The following ATP1B4 variants were observed in gnomAD, a reference collection of about 807,000 sequenced individuals.
The protein encoded by ATP1B4 is ATPase Na+/K+ transporting family member beta 4, also known as protein ATP1B4.
In ATP1B4, 32 loss-of-function variants were observed where a neutral mutation model predicts 29.6. The observed-to-expected ratio is 1.08, with a 90% CI of 0.82 to 1.45. The LOEUF is 1.45. Among genes scored for constraint, ATP1B4 ranks in the 40% most tolerant of loss-of-function variants. The pLI is 0.00. For missense variants in ATP1B4, 323 were observed against 276.2 expected, an observed-to-expected ratio of 1.17 and a Z score of -1.20; for synonymous variants, 127 against 102.1, an observed-to-expected ratio of 1.24 and a Z score of -1.47.
At position 120,379,828 on chromosome X, in the gene ATP1B4, T is replaced by A; in HGVS notation, c.*194T>A. ...TGTTCGATTTTTTAAAGGTAGTGTC[T>A]CCTGATGACAAACAGAGTATATTAA... On this transcript the variant is annotated 3_prime_UTR_variant, in exon 8 of 8. Coordinates refer to ENST00000218008, the MANE Select transcript of ATP1B4 (RefSeq NM_001142447.3). The A allele has an allele frequency of 7.9e-6, 3 of 379,191 alleles. No homozygotes were observed. Among genetic ancestry groups the A allele is most frequent in the Non-Finnish European group, 1.3e-5 (3 of 227,375 alleles). The allele number at this position is 379,191 out of a possible 1,213,427, so 31.2% of individuals were successfully genotyped here.
At chrX:120,373,415 C>G (rs899625268) in intron 4 of ATP1B4, among the ~76,000 whole-genome samples, 1 of 112,361 alleles carries the variant, frequency 8.9e-6, no homozygotes, top group Non-Finnish European at 1.9e-5. Flanking sequence ...ACCCAAGTCA[C>G]AACCTGTGGG....
rs773904979 is a variant in ATP1B4, at chrX:120,366,797, C to T, written c.328+8C>T. 2.5e-6 allele frequency: 3 copies of T among 1,200,399 alleles called. No individual in the cohort carries two copies. The highest frequency in any genetic ancestry group is 4.4e-5 in the Admixed American group (2 of 45,714). ...GAACAGGTCAGAGTTGGAGTAAGTCCCAATAGTCCCAATGCCAAAGTCTGG... is the reference window on the plus strand; with the variant it reads ...GAACAGGTCAGAGTTGGAGTAAGTCTCAATAGTCCCAATGCCAAAGTCTGG... On this transcript the variant is annotated splice_region_variant and intron_variant, in intron 2 of 7. Coordinates refer to ENST00000218008, the MANE Select transcript of ATP1B4 (RefSeq NM_001142447.3).
At chrX:120,378,041 C>A (rs1393414968) in intron 6 of ATP1B4, among the ~76,000 whole-genome samples, 1 of 95,117 alleles carries the variant, frequency 1.1e-5, no homozygotes, top group Non-Finnish European at 2.2e-5. Context: ...TTACTTTAAT[C>A]ATTTCCATAC....
chrX:120,371,321 A>G lies in ATP1B4; in HGVS notation c.562+111A>G. 1.2e-5 allele frequency: 7 copies of G among 571,573 alleles called. No homozygotes were observed. The South Asian group carries it at 1.9e-4, about 15-fold the overall frequency. The allele number at this position is 571,573 out of a possible 1,213,427, so 47.1% of individuals were successfully genotyped here. A position where few individuals can be genotyped will look rare whatever the true frequency, so the allele number is the denominator to read the frequency against. On this transcript the variant is annotated intron_variant, in intron 4 of 7. Transcript: ENST00000218008. ...ATCCCAGTCTTACTAACCCCAACTC[A>G]TCATGGTCTGTCCTTACTTTGCATC...
intron 1 of ATP1B4, among the ~76,000 whole-genome samples, chrX:120,363,118 A>C (rs1186801369): frequency 8.9e-6 from 1 of 112,453 alleles, no homozygotes; most frequent in East Asian, 2.8e-4. Context: ...CCCAGAGAGG[A>C]TTGTGATCTC....
At chrX:120,374,588 ATATATACCCTTAT>A (rs2058332591) in intron 4 of ATP1B4, among the ~76,000 whole-genome samples, 1 of 48,491 alleles carries the variant, frequency 2.1e-5, no homozygotes, top group African/African-American at 7.3e-5. Context: ...TATATAATAT[ATATATACCCTTAT>A]ATATAATATA....
chrX:120,375,200 C>T (rs1279121972), intron 4 of ATP1B4, among the ~76,000 whole-genome samples, 172 bp from the exon 5 acceptor site: 3 of 92,493 alleles, frequency 3.2e-5, no homozygotes, highest in South Asian at 5.1e-4. Flanking sequence ...GGGATGGCTG[C>T]CGATGAAGGC....
intron 7 of ATP1B4, 73 bp downstream of exon 7, chrX:120,378,846 TGAGAATTAGG>T: frequency 1.0e-6 from 1 of 962,450 alleles, no homozygotes; most frequent in East Asian, 3.1e-5. Flanking sequence ...CTGGGATCTA[TGAGAATTAGG>T]GAGCAGGAGA....
intron 6 of ATP1B4, among the ~76,000 whole-genome samples, chrX:120,376,969 A>G (rs1381422487): frequency 1.8e-5 from 2 of 112,280 alleles, no homozygotes; most frequent in African/African-American, 6.5e-5. Flanking sequence ...TCGAGGGACC[A>G]TTAACTTCTA....
intron 2 of ATP1B4, among the ~76,000 whole-genome samples, chrX:120,368,623 G>A (rs1029450243): frequency 1.8e-5 from 2 of 111,928 alleles, no homozygotes; most frequent in Non-Finnish European, 3.8e-5. Context: ...GCAGTGCTGG[G>A]ATTACAAATC....
intron 5 of ATP1B4, among the ~76,000 whole-genome samples, 173 bp from the exon 6 acceptor site, chrX:120,376,207 T>G (rs1327712656): frequency 9.0e-6 from 1 of 111,611 alleles, no homozygotes; most frequent in Non-Finnish European, 1.9e-5. Flanking sequence ...CTGAGCTGCT[T>G]AGCTCTGAAG....
At position 120,366,726 on chromosome X, in the gene ATP1B4, A is replaced by G. The variant is rs2058288496; in HGVS notation, c.265A>G (p.Met89Val). Residue 89 changes from methionine to valine, a missense_variant, in exon 2 of 8, where the codon ATG becomes GTG. Met to Val is a conservative substitution (Grantham distance 21, BLOSUM62 1). Transcript: ENST00000218008. ...GNAWWQKLQI[M>V]SEYLWDPERR... ...TGCCTGGTGGCAGAAATTGCAGATC[A>G]TGAGTGAATACCTGTGGGATCCAGA... 8.3e-7 allele frequency: 1 copy of G among 1,210,095 alleles called. No homozygotes were observed. Among genetic ancestry groups the G allele is most frequent in the Non-Finnish European group, 1.1e-6 (1 of 895,222 alleles).
At position 120,370,817 on chromosome X, in the gene ATP1B4, C is replaced by G; in HGVS notation, c.431C>G (p.Thr144Ser). 1 of 1,211,150 alleles carries G rather than the reference C, an allele frequency of 8.3e-7. No homozygotes were observed. The change falls in exon 3 of 8, where the codon ACC becomes AGC. Residue 144 changes from threonine (T) to serine (S), a missense_variant. Thr to Ser is a moderately conservative substitution (Grantham distance 58). Coordinates refer to ENST00000218008, the MANE Select transcript of ATP1B4 (RefSeq NM_001142447.3). Reference protein sequence around the residue: ...LFLTISPYIPTFTERVKPPGV... With the variant: ...LFLTISPYIPSFTERVKPPGV... ...CTGACCATCAGTCCCTATATACCAA[C>G]CTTCACGGAGCGGGTAAAGCCTCCT...
intron 4 of ATP1B4, among the ~76,000 whole-genome samples, chrX:120,373,249 G>A (rs773433790): frequency 1.8e-5 from 2 of 112,161 alleles, no homozygotes; most frequent in Non-Finnish European, 3.8e-5. Flanking sequence ...GCACATGATC[G>A]CAGCCTCTAT....
chrX:120,367,662 G>A (rs959584515), intron 2 of ATP1B4, among the ~76,000 whole-genome samples: 1 of 111,587 alleles, frequency 9.0e-6, no homozygotes, highest in South Asian at 3.8e-4. Flanking sequence ...AATAGAGGAT[G>A]CCAAGGATGA....
intron 6 of ATP1B4, among the ~76,000 whole-genome samples, chrX:120,377,034 T>C (rs2058360024): frequency 8.9e-6 from 1 of 112,209 alleles, no homozygotes; most frequent in African/African-American, 3.2e-5. Context: ...ATCTTGGGTT[T>C]GCTTCTTAAA....
intron 4 of ATP1B4, among the ~76,000 whole-genome samples, chrX:120,373,633 T>C (rs759973701): frequency 8.9e-6 from 1 of 112,437 alleles, no homozygotes; most frequent in Admixed American, 9.4e-5. Context: ...GTATGAAATT[T>C]GGTAGCCCAA....
intron 4 of ATP1B4, among the ~76,000 whole-genome samples, chrX:120,371,679 T>C (rs191395162): frequency 1.1e-3 from 127 of 111,906 alleles, no homozygotes; most frequent in Non-Finnish European, 2.0e-3. Flanking sequence ...AGCGTCTTTA[T>C]TTTATTTGAG....
At chrX:120,375,098 G>A (rs189682287) in intron 4 of ATP1B4, among the ~76,000 whole-genome samples, 2 of 109,093 alleles carry the variant, frequency 1.8e-5, no homozygotes, top group Admixed American at 2.0e-4. Context: ...ATAGGACCCA[G>A]AGATGGATAT....
Sources: allele counts gnomAD v4.1 joint callset (sites outside exome capture counted in the v4.1 genomes callset), GRCh38; gene constraint gnomAD v4.1.1; transcripts MANE v1.5; gene names NCBI Gene and HGNC (gene_info 2026-07-23, HGNC 2026-07-21).